FSD1L: variants seen among roughly 807,000 people sequenced by gnomAD.
FSD1L encodes FSD1-like protein.
Under a neutral mutation model 71.6 loss-of-function variants are expected in FSD1L, and 45 were observed. The ratio of observed to expected loss-of-function variants is 0.63; its 90% CI spans 0.49 to 0.81. FSD1L has a LOEUF of 0.81. FSD1L is among the 30% of genes least tolerant of loss of function. FSD1L has a pLI of 0.00. For missense variants in FSD1L, 561 were observed against 618.1 expected (o/e 0.91, Z 0.98); for synonymous variants, 197 against 207.2 (o/e 0.95, Z 0.42).
rs541653968 is a variant in FSD1L, at chr9:105,457,559, A to G, written c.16-3961A>G. Among the ~76,000 whole-genome samples, 3 of 152,332 alleles carry G rather than the reference A, an allele frequency of 2.0e-5. No homozygotes were observed. In the South Asian group the frequency reaches 6.2e-4, roughly 32 times the overall value. On this transcript the variant is annotated intron_variant, in intron 1 of 13. Transcript: ENST00000481272. ...AGATATGATAGTAACTTTTACTAAG[A>G]TAGTAGTAATAATTCTAATGTCACA... is the stretch of plus-strand genomic sequence containing the variant.
upstream of FSD1L, chr9:105,447,912 AGAG>A: frequency 2.0e-6 from 1 of 498,454 alleles, no homozygotes; most frequent in Non-Finnish European, 3.5e-6. Context: ...TGCAGCCTGC[AGAG>A]GCACTAGCGG....
At chr9:105,535,376 C>T (rs1836202868) in intron 12 of FSD1L, 58 bp downstream of exon 12, 4 of 1,496,148 alleles carry the variant, frequency 2.7e-6, no homozygotes, top group Middle Eastern at 2.1e-4. Flanking sequence ...CAGTACCTTT[C>T]ACTGGTAATC....
At chr9:105,517,134 T>C (rs1341931755) in intron 10 of FSD1L, among the ~76,000 whole-genome samples, 1 of 152,002 alleles carries the variant, frequency 6.6e-6, no homozygotes, top group Non-Finnish European at 1.5e-5. Flanking sequence ...GAAAAAAGAA[T>C]AATAGGGAAT....
intron 4 of FSD1L, 55 bp from the exon 5 acceptor site, chr9:105,471,849 A>C: frequency 1.5e-6 from 1 of 645,694 alleles, no homozygotes; most frequent in East Asian, 3.4e-5. Flanking sequence ...TTAAGATTCT[A>C]ATGGCAATAG....
At chr9:105,499,775 G>T (rs1833655373) in intron 7 of FSD1L, among the ~76,000 whole-genome samples, 1 of 150,102 alleles carries the variant, frequency 6.7e-6, no homozygotes, top group Non-Finnish European at 1.5e-5. Flanking sequence ...TATATCTTCT[G>T]TTCCTTTCTG....
At chr9:105,504,023 C>T (rs1302930404) in intron 7 of FSD1L, among the ~76,000 whole-genome samples, 3 of 152,240 alleles carry the variant, frequency 2.0e-5, no homozygotes, top group Non-Finnish European at 4.4e-5. Flanking sequence ...AGGGTGCTAA[C>T]TAGTCCTACT....
rs922154434 is a variant in FSD1L, at chr9:105,448,071, G to A, written c.-150G>A. On this transcript the variant is annotated 5_prime_UTR_variant, in exon 1 of 14. Coordinates refer to ENST00000481272, the MANE Select transcript of FSD1L (RefSeq NM_001145313.3). ...CAACCGCGGCGTGACTACGGCGCGCGCGGTCTGGGCGCGGACGGGTGGGGC... is the reference window on the plus strand; with the variant it reads ...CAACCGCGGCGTGACTACGGCGCGCACGGTCTGGGCGCGGACGGGTGGGGC... 3 of 849,314 alleles carry A rather than the reference G, an allele frequency of 3.5e-6. No individual in the cohort carries two copies. Among genetic ancestry groups the A allele is most frequent in the Middle Eastern group, 2.4e-4 (1 of 4,106 alleles). 52.6% of individuals were successfully genotyped at this position (849,314 alleles called of 1,614,324 possible). A position where few individuals can be genotyped will look rare whatever the true frequency, so the allele number is the denominator to read the frequency against.
At chr9:105,499,907 C>T (rs1833663823) in intron 7 of FSD1L, among the ~76,000 whole-genome samples, 1 of 152,070 alleles carries the variant, frequency 6.6e-6, no homozygotes, top group Admixed American at 6.6e-5. Flanking sequence ...TTTCATCTTG[C>T]AGGTTTCTAT....
chr9:105,472,261 A>G (rs1305021751), intron 5 of FSD1L: 1 of 376,216 alleles, frequency 2.7e-6, no homozygotes, highest in Non-Finnish European at 4.7e-6. Flanking sequence ...GGAAAGCATC[A>G]TCACTTTATG....
intron 10 of FSD1L, chr9:105,524,239 A>T (rs1835363008): frequency 6.2e-7 from 1 of 1,612,312 alleles, no homozygotes. Flanking sequence ...AAGTTTACTA[A>T]TAAAACAGTA....
intron 10 of FSD1L, chr9:105,523,418 A>G (rs1564138623): frequency 5.0e-6 from 8 of 1,604,970 alleles, no homozygotes; most frequent in Non-Finnish European, 6.8e-6. Context: ...CTCTGACTGG[A>G]TGGCATGCTG....
At chr9:105,520,385 A>G in intron 10 of FSD1L, 1 of 1,205,682 alleles carries the variant, frequency 8.3e-7, no homozygotes. Flanking sequence ...TATTGATCTT[A>G]AACAGTTTTT....
At position 105,536,318 on chromosome 9, in the gene FSD1L, T is replaced by C. The variant is rs147916364; in HGVS notation, c.1378+1000T>C. ...CACGATAATCCTTTATTAAAAACTTTCTTGCCCTGTTTTTCCAGACCATAT... is the reference window on the plus strand; with the variant it reads ...CACGATAATCCTTTATTAAAAACTTCCTTGCCCTGTTTTTCCAGACCATAT... On this transcript the variant is annotated intron_variant, in intron 12 of 13. Transcript: ENST00000481272. 4.1e-3 allele frequency among the ~76,000 whole-genome samples: 617 copies of C among 152,344 alleles called. 6 individuals are homozygous for C. The highest frequency in any genetic ancestry group is 0.015 in the East Asian group (76 of 5,192).
chr9:105,446,011 T>A (rs954207280), upstream of FSD1L, among the ~76,000 whole-genome samples: 1 of 152,136 alleles, frequency 6.6e-6, no homozygotes, highest in African/African-American at 2.4e-5. Context: ...TTCTTGTACA[T>A]CTCTGTCCAG....
chr9:105,442,278 G>T, the FSD1L span, among the ~76,000 whole-genome samples: 3 of 152,146 alleles, frequency 2.0e-5, no homozygotes, highest in South Asian at 6.2e-4. Context: ...GAGATTCAGA[G>T]AGCCTTCCAA....
At position 105,547,338 on chromosome 9, in the gene FSD1L, T is replaced by C. The variant is rs536087479; in HGVS notation, c.*855T>C. 3 of 152,612 alleles carry C rather than the reference T, an allele frequency of 2.0e-5. No homozygotes were observed. The highest frequency in any genetic ancestry group is 4.8e-5 in the African/African-American group (2 of 41,570). The allele number at this position is 152,612 out of a possible 1,614,324, so 9.5% of individuals were successfully genotyped here. A position where few individuals can be genotyped will look rare whatever the true frequency, so the allele number is the denominator to read the frequency against. On this transcript the variant is annotated 3_prime_UTR_variant, in exon 14 of 14. Coordinates refer to ENST00000481272, the MANE Select transcript of FSD1L (RefSeq NM_001145313.3). ...TTGAATGTGACACTGATAATAATTA[T>C]GCTGATTTTTAGCATCTCTTATAGG... is the stretch of plus-strand genomic sequence containing the variant.
At chr9:105,503,322 A>G (rs1273184671) in intron 7 of FSD1L, among the ~76,000 whole-genome samples, 1 of 152,232 alleles carries the variant, frequency 6.6e-6, no homozygotes, top group Non-Finnish European at 1.5e-5. Flanking sequence ...TATTAATTCC[A>G]TAAATGCCAC....
At chr9:105,542,069 A>G (rs528315730) in intron 13 of FSD1L, among the ~76,000 whole-genome samples, 1 of 152,356 alleles carries the variant, frequency 6.6e-6, no homozygotes, top group South Asian at 2.1e-4. Context: ...TTATGAATAA[A>G]ATCACTATAA....
At chr9:105,506,656 T>G in intron 8 of FSD1L, 48 bp downstream of exon 8, 2 of 1,306,296 alleles carry the variant, frequency 1.5e-6, no homozygotes, top group South Asian at 1.3e-5. Flanking sequence ...GATAAATGTA[T>G]TGTTGAAAAA....
Sources: gnomAD v4.1 joint callset for allele counts (sites outside exome capture counted in the v4.1 genomes callset) on GRCh38, gnomAD v4.1.1 for gene constraint, MANE v1.5 for transcripts, NCBI Gene and HGNC (gene_info 2026-07-23, HGNC 2026-07-21) for gene names.